ZFAND3: variants seen among roughly 807,000 people sequenced by gnomAD.
ZFAND3 encodes AN1-type zinc finger protein 3.
In ZFAND3, 10 loss-of-function variants were observed where a neutral mutation model predicts 29.6. That is an observed-to-expected ratio of 0.34 (90% CI 0.21 to 0.57). The LOEUF is 0.57. Among genes scored for constraint, ZFAND3 ranks in the 20% least tolerant of loss-of-function variants. The pLI is 0.86. For missense variants in ZFAND3, 230 were observed against 304.5 expected, an observed-to-expected ratio of 0.76 and a Z score of 1.82; for synonymous variants, 128 against 112.6, an observed-to-expected ratio of 1.14 and a Z score of -0.87.
intron 2 of ZFAND3, among the ~76,000 whole-genome samples, chr6:38,048,944 CTG>C (rs1309735330): frequency 1.3e-5 from 2 of 152,162 alleles, no homozygotes; most frequent in Non-Finnish European, 1.5e-5. Context: ...TCATTTGTCT[CTG>C]TTTAAATCAA....
chr6:37,939,103 A>G (rs150829422), intron 2 of ZFAND3, among the ~76,000 whole-genome samples: 1 of 152,262 alleles, frequency 6.6e-6, no homozygotes, highest in African/African-American at 2.4e-5. Context: ...ACATAATCTC[A>G]TTGGTATCTG....
chr6:38,059,169 A>G (rs1226144065), intron 2 of ZFAND3, among the ~76,000 whole-genome samples: 1 of 152,188 alleles, frequency 6.6e-6, no homozygotes, highest in East Asian at 1.9e-4. Context: ...ATTACAGAAC[A>G]AGATAGAAGA....
intron 1 of ZFAND3, among the ~76,000 whole-genome samples, chr6:37,824,903 C>T (rs952034575): frequency 6.6e-6 from 1 of 152,124 alleles, no homozygotes; most frequent in African/African-American, 2.4e-5. Context: ...GGGGTAATCT[C>T]CTAAAATAAA....
chr6:37,872,066 C>T (rs978463539), intron 1 of ZFAND3, among the ~76,000 whole-genome samples: 2 of 152,180 alleles, frequency 1.3e-5, no homozygotes, highest in Admixed American at 6.5e-5. Context: ...TTCTCCTTTT[C>T]TTGATTTCCC....
chr6:37,937,242 A>G (rs80038870), intron 2 of ZFAND3, among the ~76,000 whole-genome samples: 2,185 of 152,334 alleles, frequency 0.014, 44 homozygotes, highest in African/African-American at 0.048. Context: ...TTAGAAATGT[A>G]GGAACTCTGC....
chr6:37,942,078 A>T (rs1370730802), intron 2 of ZFAND3, among the ~76,000 whole-genome samples: 1 of 152,072 alleles, frequency 6.6e-6, no homozygotes, highest in African/African-American at 2.4e-5. Flanking sequence ...ATCCAAACTG[A>T]ATGTAATGGG....
At chr6:38,014,097 G>A (rs796911415) in intron 2 of ZFAND3, among the ~76,000 whole-genome samples, 8 of 152,176 alleles carry the variant, frequency 5.3e-5, no homozygotes, top group African/African-American at 1.9e-4. Context: ...CAAGGGGAGA[G>A]AGAGAGAATG....
chr6:38,126,735 C>T (rs1424310550), intron 5 of ZFAND3, among the ~76,000 whole-genome samples: 1 of 151,984 alleles, frequency 6.6e-6, no homozygotes, highest in African/African-American at 2.4e-5. Context: ...AAATTTTAAC[C>T]ATGTTTACAA....
At chr6:37,971,728 C>T (rs1762390250) in intron 2 of ZFAND3, among the ~76,000 whole-genome samples, 1 of 151,798 alleles carries the variant, frequency 6.6e-6, no homozygotes, top group South Asian at 2.1e-4. Flanking sequence ...GTGGCTTATG[C>T]CTGTAATCCC....
chr6:37,823,105 G>A (rs1357803946), intron 1 of ZFAND3, among the ~76,000 whole-genome samples: 2 of 152,168 alleles, frequency 1.3e-5, no homozygotes, highest in Non-Finnish European at 2.9e-5. Flanking sequence ...TGGCTTGGGT[G>A]TGTGGGTATG....
Position 38,024,433 on chromosome 6 carries a change from T to C in ZFAND3, c.113-37160T>C, listed in dbSNP as rs906327543. On this transcript the variant is annotated intron_variant, in intron 2 of 5. Transcript: ENST00000287218. ...CTTGCAGTGAGCTGAGATGTGCCAC[T>C]GCACTCCAGGCTGGGCGACAGAGCG... is the stretch of plus-strand genomic sequence containing the variant. Among the ~76,000 whole-genome samples the C allele has an allele frequency of 2.7e-5, 4 of 146,958 alleles. No individual in the cohort carries two copies. In the Admixed American group the frequency reaches 2.8e-4, roughly 10 times the overall value.
intron 2 of ZFAND3, among the ~76,000 whole-genome samples, chr6:37,997,601 G>A (rs757377851): frequency 5.9e-5 from 9 of 152,152 alleles, no homozygotes; most frequent in Admixed American, 2.6e-4. Context: ...GATAGCTGTT[G>A]GGGTAAGCTT....
At chr6:37,824,461 A>G (rs776012861) in intron 1 of ZFAND3, among the ~76,000 whole-genome samples, 47 of 152,232 alleles carry the variant, frequency 3.1e-4, no homozygotes, top group Admixed American at 1.2e-3. Context: ...TTATAGGATA[A>G]TAGGGTAATT....
chr6:38,023,113 T>C (rs1763381249), intron 2 of ZFAND3, among the ~76,000 whole-genome samples: 1 of 152,210 alleles, frequency 6.6e-6, no homozygotes, highest in Admixed American at 6.5e-5. Context: ...TGGTAATACC[T>C]TTCAATACAC....
intron 5 of ZFAND3, among the ~76,000 whole-genome samples, chr6:38,125,494 C>G (rs10947713): frequency 6.6e-6 from 1 of 151,974 alleles, no homozygotes; most frequent in East Asian, 1.9e-4. Context: ...CTTACAAGAC[C>G]GAATGTGCAG....
intron 1 of ZFAND3, among the ~76,000 whole-genome samples, chr6:37,882,961 A>G (rs1011545961): frequency 6.6e-5 from 10 of 152,244 alleles, no homozygotes; most frequent in African/African-American, 1.9e-4. Flanking sequence ...TCTCATGCCT[A>G]TAATCCTAGC....
At position 37,977,405 on chromosome 6, in the gene ZFAND3, G is replaced by A. The variant is rs568379993; in HGVS notation, c.112+47406G>A. 2.9e-3 allele frequency among the ~76,000 whole-genome samples: 438 copies of A among 152,254 alleles called. 4 individuals are homozygous for A. Among genetic ancestry groups the A allele is most frequent in the African/African-American group, 0.01 (416 of 41,552 alleles). Reference sequence around the variant, plus strand: ...CAACCTCTGCCTCCCGGGTTCAAGTGATTCTCGTGCGTTAGCCTCCCGAGT... The same window carrying A: ...CAACCTCTGCCTCCCGGGTTCAAGTAATTCTCGTGCGTTAGCCTCCCGAGT... On this transcript the variant is annotated intron_variant, in intron 2 of 5. Transcript: ENST00000287218.
At chr6:38,107,710 G>A (rs1181171585) in intron 4 of ZFAND3, among the ~76,000 whole-genome samples, 1 of 152,130 alleles carries the variant, frequency 6.6e-6, no homozygotes, top group Non-Finnish European at 1.5e-5. Flanking sequence ...GCTCACACCT[G>A]TAGTCCCAGC....
chr6:38,112,053 T>C (rs575774383), intron 4 of ZFAND3, among the ~76,000 whole-genome samples: 18 of 152,240 alleles, frequency 1.2e-4, no homozygotes, highest in Non-Finnish European at 1.8e-4. Flanking sequence ...CCAAGAAAGC[T>C]AAATAGGCAA....
Sources: gnomAD v4.1 joint callset for allele counts (sites outside exome capture counted in the v4.1 genomes callset) on GRCh38, gnomAD v4.1.1 for gene constraint, MANE v1.5 for transcripts, NCBI Gene and HGNC (gene_info 2026-07-23, HGNC 2026-07-21) for gene names.